The following ARHGAP6 variants were observed in gnomAD, a reference collection of about 807,000 sequenced individuals.
The protein encoded by ARHGAP6 is Rho GTPase activating protein 6.
A neutral mutation model predicts 55.7 loss-of-function variants in ARHGAP6; 16 were observed. The observed-to-expected ratio is 0.29, with a 90% confidence interval of 0.19 to 0.44. The LOEUF is 0.44. Ranked by LOEUF, ARHGAP6 falls within the 20% of genes least tolerant of loss-of-function variation. The pLI, the probability that ARHGAP6 is intolerant of heterozygous loss-of-function variation, is 1.00. For synonymous variants in ARHGAP6, 382 were observed against 360.9 expected, an observed-to-expected ratio of 1.06 and a Z score of -0.66; for missense variants, 698 against 808.9, an observed-to-expected ratio of 0.86 and a Z score of 1.66.
chrX:11,599,700 G>C, intron 1 of ARHGAP6, among the ~76,000 whole-genome samples: 1 of 111,491 alleles, frequency 9.0e-6, no homozygotes, highest in Non-Finnish European at 1.9e-5. Flanking sequence ...CTGGGGCTCT[G>C]GTGGGTAGCA....
Position 11,254,539 on chromosome X carries a change from AGG to A in ARHGAP6, c.748+7_748+8del, listed in dbSNP as rs766273838. 5.8e-6 allele frequency: 7 copies of A among 1,203,557 alleles called. No individual in the cohort carries two copies. Among genetic ancestry groups the A allele is most frequent in the Non-Finnish European group, 7.8e-6 (7 of 892,672 alleles). On this transcript the variant is annotated splice_region_variant and intron_variant, in intron 2 of 12. Coordinates refer to ENST00000337414, the MANE Select transcript of ARHGAP6 (RefSeq NM_013427.3). ...GTGTTCCCCGGCAGAAAGGCAGAAG[AGG>A]CCTTACCTTTGGGAATGGTGATCTG... is the stretch of plus-strand genomic sequence containing the variant.
intron 2 of ARHGAP6, among the ~76,000 whole-genome samples, chrX:11,230,789 A>G (rs1194935211): frequency 1.8e-5 from 2 of 111,035 alleles, no homozygotes; most frequent in Non-Finnish European, 3.8e-5. Context: ...TTTGTTTTTT[A>G]GAATTGTTTT....
At chrX:11,154,453 T>C (rs1187804829) in intron 10 of ARHGAP6, among the ~76,000 whole-genome samples, 1 of 112,732 alleles carries the variant, frequency 8.9e-6, no homozygotes, top group Admixed American at 9.4e-5. Context: ...AGCATTTATA[T>C]GCAAAGAGTG....
chrX:11,443,389 G>T (rs982895863), intron 1 of ARHGAP6, among the ~76,000 whole-genome samples: 7 of 111,944 alleles, frequency 6.3e-5, no homozygotes, highest in African/African-American at 2.3e-4. Flanking sequence ...ATATACGTAG[G>T]CATTTCTGTT....
intron 1 of ARHGAP6, among the ~76,000 whole-genome samples, chrX:11,557,333 A>G (rs1376794473): frequency 8.9e-6 from 1 of 112,036 alleles, no homozygotes; most frequent in African/African-American, 3.2e-5. Context: ...TAGCAACCCC[A>G]ATGCTGCAAC....
chrX:11,463,247 G>A (rs565023602), intron 1 of ARHGAP6, among the ~76,000 whole-genome samples: 4 of 112,147 alleles, frequency 3.6e-5, no homozygotes, highest in Admixed American at 2.8e-4. Flanking sequence ...TGGGTGGGGC[G>A]TGTGGAGAGG....
chrX:11,531,094 A>G (rs1051048492), intron 1 of ARHGAP6, among the ~76,000 whole-genome samples: 3 of 112,035 alleles, frequency 2.7e-5, no homozygotes, highest in Non-Finnish European at 5.6e-5. Flanking sequence ...ATATTCATAC[A>G]GGGCTTTCAC....
At chrX:11,173,309 A>G (rs2046120807) in intron 8 of ARHGAP6, among the ~76,000 whole-genome samples, 1 of 112,163 alleles carries the variant, frequency 8.9e-6, no homozygotes, top group South Asian at 3.7e-4. Flanking sequence ...TCCTAGAGGC[A>G]TGTACCTCCT....
At chrX:11,607,854 G>C (rs143017483) in intron 1 of ARHGAP6, among the ~76,000 whole-genome samples, 50 of 112,189 alleles carry the variant, frequency 4.5e-4, no homozygotes, top group Middle Eastern at 4.6e-3. Flanking sequence ...GAGCGAACCA[G>C]TGCAAAAGCC....
chrX:11,155,403 G>A lies in ARHGAP6; in HGVS notation c.1907+1126C>T, dbSNP rs1413926040. Among the ~76,000 whole-genome samples, 5 of 111,086 alleles carry A rather than the reference G, an allele frequency of 4.5e-5. No homozygotes were observed. The East Asian group carries it at 8.5e-4, about 19-fold the overall frequency. On this transcript the variant is annotated intron_variant, in intron 10 of 12. Coordinates refer to ENST00000337414, the MANE Select transcript of ARHGAP6 (RefSeq NM_013427.3). ...CAACTTCCACCTCCCCAGTTCAAGCGATTCTCCCATCTCAGCCTCACGAGT... is the reference window on the plus strand; with the variant it reads ...CAACTTCCACCTCCCCAGTTCAAGCAATTCTCCCATCTCAGCCTCACGAGT...
intron 1 of ARHGAP6, among the ~76,000 whole-genome samples, chrX:11,399,826 CA>C (rs2049525611): frequency 9.0e-6 from 1 of 111,714 alleles, no homozygotes; most frequent in Non-Finnish European, 1.9e-5. Context: ...GGAAATAACC[CA>C]AATGTCCATC....
chrX:11,152,615 T>C (rs2045799324), intron 10 of ARHGAP6, among the ~76,000 whole-genome samples: 1 of 111,775 alleles, frequency 8.9e-6, no homozygotes, highest in Non-Finnish European at 1.9e-5. Flanking sequence ...TGCAAATCCT[T>C]CCTCTTCTCA....
At chrX:11,603,145 T>C (rs2051997045) in intron 1 of ARHGAP6, among the ~76,000 whole-genome samples, 1 of 111,645 alleles carries the variant, frequency 9.0e-6, no homozygotes, top group Admixed American at 9.5e-5. Flanking sequence ...AAAGTAGCAC[T>C]AAGGTTGCTC....
rs1355329571 is a variant in ARHGAP6 at position 11,197,015 on chromosome X, G to A, written c.749-19C>T. 1 of 828,521 alleles carries A rather than the reference G, an allele frequency of 1.2e-6. No individual in the cohort carries two copies. Among genetic ancestry groups the A allele is most frequent in the East Asian group, 3.2e-5 (1 of 31,707 alleles). 68.3% of individuals were successfully genotyped at this position (828,521 alleles called of 1,213,427 possible). ...TGTCCATCTGTAAATATTAAAAGGAGAAGTTATAAAGATAAACATATAAGT... is the reference window on the plus strand; with the variant it reads ...TGTCCATCTGTAAATATTAAAAGGAAAAGTTATAAAGATAAACATATAAGT... On this transcript the variant is annotated intron_variant, in intron 2 of 12. Transcript: ENST00000337414.
intron 1 of ARHGAP6, among the ~76,000 whole-genome samples, chrX:11,348,577 T>C (rs1469619371): frequency 8.9e-6 from 1 of 112,288 alleles, no homozygotes; most frequent in African/African-American, 3.2e-5. Flanking sequence ...GCACATCATT[T>C]ACTGGAAATA....
At chrX:11,458,591 T>C (rs897584614) in intron 1 of ARHGAP6, among the ~76,000 whole-genome samples, 3 of 112,516 alleles carry the variant, frequency 2.7e-5, no homozygotes, top group Non-Finnish European at 5.6e-5. Context: ...ATTTTCTTCA[T>C]TTATCAAAAG....
intron 1 of ARHGAP6, among the ~76,000 whole-genome samples, chrX:11,263,781 C>T (rs2047590751): frequency 9.0e-6 from 1 of 111,673 alleles, no homozygotes; most frequent in Non-Finnish European, 1.9e-5. Context: ...CCAGTTTTGC[C>T]ACTTACTAGC....
At chrX:11,590,867 AAG>A (rs1346509377) in intron 1 of ARHGAP6, among the ~76,000 whole-genome samples, 2 of 54,957 alleles carry the variant, frequency 3.6e-5, no homozygotes, top group African/African-American at 8.1e-5. Context: ...AAAAGAAAAG[AAG>A]GAAAGAAAGA....
Position 11,139,406 on chromosome X carries a change from C to A in ARHGAP6, c.2382G>T (p.Thr794=), listed in dbSNP as rs1466415080. 3.4e-6 allele frequency: 4 copies of A among 1,189,144 alleles called. No individual in the cohort carries two copies. The highest frequency in any genetic ancestry group is 2.4e-4 in the Middle Eastern group (1 of 4,246). Reference sequence around the variant, plus strand: ...CGGCCTGAGTCCTCCGAGCCCCCTGCGTGTCGCTGTCCAGCTCTGCGGGGC... The same window carrying A: ...CGGCCTGAGTCCTCCGAGCCCCCTGAGTGTCGCTGTCCAGCTCTGCGGGGC... ...QGSPAELDSD[T]QGARRTQAAA... is the part of the protein sequence containing the mutation. Residue 794 remains threonine (T), a synonymous_variant, in exon 13 of 13, where the codon ACG becomes ACT. Coordinates refer to ENST00000337414, the MANE Select transcript of ARHGAP6 (RefSeq NM_013427.3).
Sources: gnomAD v4.1 joint callset for allele counts (sites outside exome capture counted in the v4.1 genomes callset) on GRCh38, gnomAD v4.1.1 for gene constraint, MANE v1.5 for transcripts, NCBI Gene and HGNC (gene_info 2026-07-23, HGNC 2026-07-21) for gene names.